Variants in PTPN4 observed in about 807,000 individuals in gnomAD.
The protein encoded by PTPN4 is tyrosine-protein phosphatase non-receptor type 4.
Under a neutral mutation model 135.5 loss-of-function variants are expected in PTPN4, and 49 were observed. The ratio of observed to expected loss-of-function variants is 0.36; its 90% confidence interval spans 0.29 to 0.46. The LOEUF is 0.46. Ranked by LOEUF, PTPN4 falls within the 20% of genes least tolerant of loss-of-function variation. The probability of loss-of-function intolerance (pLI) is 1.00; values close to 1 mark genes in which losing one functional copy is unlikely to be tolerated. For missense variants in PTPN4, 860 were observed against 1,101.0 expected, an observed-to-expected ratio of 0.78 and a Z score of 3.10; for synonymous variants, 333 against 369.9, an observed-to-expected ratio of 0.90 and a Z score of 1.14.
chr2:119,905,874 G>A (rs555305909), intron 10 of PTPN4, among the ~76,000 whole-genome samples: 22 of 152,164 alleles, frequency 1.4e-4, no homozygotes, highest in African/African-American at 4.6e-4. Flanking sequence ...TTGGGTCAAT[G>A]AAGAAATTAA....
chr2:119,820,894 T>C (rs1349643139), intron 2 of PTPN4, among the ~76,000 whole-genome samples: 2 of 121,724 alleles, frequency 1.6e-5, no homozygotes, highest in East Asian at 4.6e-4. Flanking sequence ...TGTGTGTGTA[T>C]GTAAAGCTGG....
At chr2:119,908,269 A>G (rs1459443178) in intron 10 of PTPN4, among the ~76,000 whole-genome samples, 3 of 152,094 alleles carry the variant, frequency 2.0e-5, no homozygotes, top group Non-Finnish European at 4.4e-5. Flanking sequence ...TCATTTTTTA[A>G]AATTGACATT....
intron 9 of PTPN4, among the ~76,000 whole-genome samples, chr2:119,888,334 T>G (rs551393355): frequency 1.9e-4 from 29 of 152,310 alleles, no homozygotes; most frequent in African/African-American, 6.7e-4. Context: ...TGGATACCTT[T>G]TCCTTCTTTC....
At position 119,862,559 on chromosome 2, in the gene PTPN4, G is replaced by A. The variant is rs1677776439; in HGVS notation, c.162G>A (p.Leu54=). ...KVNKHDQGQV[L]LDVVFKHLDL... ...AGAAACATGATCAGGGGCAAGTCTT[G>A]TTGGATGTCGTCTTCAAGCATCTAG... The change falls in exon 3 of 27, where the codon TTG becomes TTA. Residue 54 remains leucine, a synonymous_variant. Coordinates refer to ENST00000263708, the MANE Select transcript of PTPN4 (RefSeq NM_002830.4). The A allele has an allele frequency of 6.2e-7, 1 of 1,609,324 alleles. No homozygotes were observed.
chr2:119,906,626 T>A (rs1306869855), intron 10 of PTPN4, among the ~76,000 whole-genome samples: 1 of 151,206 alleles, frequency 6.6e-6, no homozygotes, highest in African/African-American at 2.5e-5. Context: ...CCCTTCATGA[T>A]AAAAACTCTC....
intron 1 of PTPN4, among the ~76,000 whole-genome samples, chr2:119,779,830 G>C (rs1045698366): frequency 6.6e-6 from 1 of 152,034 alleles, no homozygotes; most frequent in Non-Finnish European, 1.5e-5. Flanking sequence ...CTGCAGCCTC[G>C]ATTTCCCAGG....
At position 119,979,104 on chromosome 2, in the gene PTPN4, C is replaced by A. The variant is rs1679656237; in HGVS notation, c.*2034C>A. ...AAACAGACAAATATAATTTAGGCTGCTATATGACATGATAAATTAAAAACT... is the reference window on the plus strand; with the variant it reads ...AAACAGACAAATATAATTTAGGCTGATATATGACATGATAAATTAAAAACT... On this transcript the variant is annotated 3_prime_UTR_variant, in exon 27 of 27. Coordinates refer to ENST00000263708, the MANE Select transcript of PTPN4 (RefSeq NM_002830.4). The A allele has an allele frequency of 6.6e-6, 1 of 152,018 alleles. No individual in the cohort carries two copies. The highest frequency in any genetic ancestry group is 2.4e-5 in the African/African-American group (1 of 41,426). The allele number at this position is 152,018 out of a possible 1,614,324, so 9.4% of individuals were successfully genotyped here.
At position 119,924,676 on chromosome 2, in the gene PTPN4, A is replaced by G. The variant is rs553717929; in HGVS notation, c.1002-1922A>G. On this transcript the variant is annotated intron_variant, in intron 12 of 26. Transcript: ENST00000263708. The stretch of plus-strand genomic sequence containing the variant: ...ATACTAAATCCCTAATGTCTGTATT[A>G]TGGACAATATGAAATATAAGCCTTT... 6.4e-4 allele frequency among the ~76,000 whole-genome samples: 98 copies of G among 152,140 alleles called. 1 individual carries two copies. Among genetic ancestry groups the G allele is most frequent in the Non-Finnish European group, 5.6e-4 (38 of 68,010 alleles).
chr2:119,892,783 G>A (rs1355501103), intron 9 of PTPN4, among the ~76,000 whole-genome samples: 1 of 151,410 alleles, frequency 6.6e-6, no homozygotes, highest in African/African-American at 2.4e-5. Context: ...GTGCATTGGT[G>A]CAATCTCAGC....
intron 23 of PTPN4, among the ~76,000 whole-genome samples, chr2:119,961,794 A>G (rs910649650): frequency 1.3e-5 from 2 of 152,204 alleles, no homozygotes; most frequent in Non-Finnish European, 2.9e-5. Context: ...AAGACCACAT[A>G]GTGTATGATT....
At chr2:119,945,761 A>G (rs983595853) in intron 16 of PTPN4, among the ~76,000 whole-genome samples, 4 of 152,080 alleles carry the variant, frequency 2.6e-5, no homozygotes, top group African/African-American at 4.8e-5. Flanking sequence ...TAGGCTTTGG[A>G]GGATGGCAGG....
intron 9 of PTPN4, among the ~76,000 whole-genome samples, chr2:119,897,104 T>C (rs1284107858): frequency 1.3e-5 from 2 of 152,022 alleles, no homozygotes; most frequent in African/African-American, 4.8e-5. Context: ...TTTTTGTTTG[T>C]TTGTTTTTGA....
chr2:119,960,757 CT>C, intron 22 of PTPN4, 49 bp from the exon 23 acceptor site: 4 of 1,568,688 alleles, frequency 2.5e-6, no homozygotes, highest in Non-Finnish European at 3.5e-6. Context: ...TTCCTGATTA[CT>C]GTAAAAAGTA....
In PTPN4 at chr2:119,862,423, T is replaced by G. The variant is rs1677774099; in HGVS notation, c.139-113T>G. On this transcript the variant is annotated intron_variant, in intron 2 of 26. Transcript: ENST00000263708. The stretch of plus-strand genomic sequence containing the variant: ...GATTTTTCACACAAAAAACGTTTGC[T>G]ACCTCTGGCATAAATGGGTTAATAG... The G allele has an allele frequency of 5.3e-5, 46 of 873,218 alleles. No individual in the cohort carries two copies. In the South Asian group the frequency reaches 7.9e-4, roughly 15 times the overall value. The allele number at this position is 873,218 out of a possible 1,614,324, so 54.1% of individuals were successfully genotyped here.
intron 2 of PTPN4, among the ~76,000 whole-genome samples, chr2:119,838,140 A>G (rs72836831): frequency 0.024 from 3,661 of 152,274 alleles, 64 homozygotes; most frequent in Non-Finnish European, 0.033. Flanking sequence ...TTTTTAAAAT[A>G]CTTTTTTTTC....
intron 26 of PTPN4, among the ~76,000 whole-genome samples, chr2:119,974,206 T>TTTG (rs757365542): frequency 6.6e-6 from 1 of 151,878 alleles, no homozygotes; most frequent in Non-Finnish European, 1.5e-5. Flanking sequence ...TTGTTGTTGT[T>TTTG]TTGTTTTGTT....
At chr2:119,768,259 C>T (rs1467376743) in intron 1 of PTPN4, among the ~76,000 whole-genome samples, 3 of 152,050 alleles carry the variant, frequency 2.0e-5, no homozygotes, top group Admixed American at 2.0e-4. Context: ...GGTGTATTTC[C>T]TTACTTTCTG....
chr2:119,842,838 C>T (rs1320992710), intron 2 of PTPN4, among the ~76,000 whole-genome samples: 1 of 151,806 alleles, frequency 6.6e-6, no homozygotes, highest in Non-Finnish European at 1.5e-5. Flanking sequence ...TAGCTATCAC[C>T]AGTTTTTACA....
intron 1 of PTPN4, among the ~76,000 whole-genome samples, chr2:119,797,752 C>T (rs1340191785): frequency 6.6e-6 from 1 of 151,968 alleles, no homozygotes; most frequent in Admixed American, 6.6e-5. Flanking sequence ...AAAACAAGGT[C>T]GGAAACAGCA....
Sources: gnomAD v4.1 joint callset for allele counts (sites outside exome capture counted in the v4.1 genomes callset) on GRCh38, gnomAD v4.1.1 for gene constraint, MANE v1.5 for transcripts, NCBI Gene and HGNC (gene_info 2026-07-23, HGNC 2026-07-21) for gene names.